The following KCNB2 variants were observed in gnomAD, a reference collection of about 807,000 sequenced individuals.
The protein encoded by KCNB2 is delayed rectifier potassium channel protein.
KCNB2 carries 15 observed loss-of-function variants against 61.5 expected under a neutral mutation model. That is an observed-to-expected ratio of 0.24 (90% CI 0.16 to 0.38). The LOEUF (loss-of-function observed/expected upper bound fraction) is 0.38, where lower values mean the gene tolerates loss of function less well. Ranked by LOEUF, KCNB2 falls within the 10% of genes least tolerant of loss-of-function variation. KCNB2 has a pLI of 1.00. For missense variants in KCNB2, 828 were observed against 1,125.2 expected (o/e 0.74, Z 3.78); for synonymous variants, 457 against 446.0 (o/e 1.02, Z -0.31).
At chr8:72,725,595 A>ATATATATATGTATGTG (rs1563572067) in intron 2 of KCNB2, among the ~76,000 whole-genome samples, 56 of 85,084 alleles carry the variant, frequency 6.6e-4, no homozygotes, top group African/African-American at 3.0e-3. Context: ...ATGTATGTAT[A>ATATATATATGTATGTG]TATATATATA....
In KCNB2 at chr8:72,937,951, G is replaced by A; in HGVS notation, c.2596G>A (p.Asp866Asn). The A allele has an allele frequency of 6.2e-7, 1 of 1,614,112 alleles. No homozygotes were observed. ...PQDTGHNCRQDIYHAVSEVKK... is the reference protein window; with the variant it reads ...PQDTGHNCRQNIYHAVSEVKK... ...GGACACAGGTCACAACTGTAGGCAA[G>A]ACATTTACCATGCTGTGAGTGAAGT... is the stretch of plus-strand genomic sequence containing the variant. Residue 866 changes from aspartate (D) to asparagine (N), a missense_variant, in exon 3 of 3, where the codon GAC (aspartate) becomes AAC (asparagine). Around this residue, in one of 4 missense-constraint regions of KCNB2, gnomAD observed 559 missense variants for 588.4 expected, o/e 0.95. Coordinates refer to ENST00000523207, the MANE Select transcript of KCNB2 (RefSeq NM_004770.3).
intron 2 of KCNB2, among the ~76,000 whole-genome samples, chr8:72,827,157 C>A (rs1457713133): frequency 6.6e-6 from 1 of 152,012 alleles, no homozygotes; most frequent in Non-Finnish European, 1.5e-5. Flanking sequence ...CATATGATGG[C>A]TGAGGGCTGG....
intron 2 of KCNB2, among the ~76,000 whole-genome samples, chr8:72,868,056 G>GT (rs67377649): frequency 0.22 from 31,900 of 143,594 alleles, 3,781 homozygotes; most frequent in Non-Finnish European, 0.28. Context: ...TTGATTTTGG[G>GT]TTTTTTTTTT....
intron 2 of KCNB2, among the ~76,000 whole-genome samples, chr8:72,839,802 A>G (rs1005388580): frequency 1.3e-5 from 2 of 151,482 alleles, no homozygotes; most frequent in African/African-American, 4.9e-5. Flanking sequence ...TTTAGTAGAG[A>G]CGGGGTTTCA....
At chr8:72,538,457 T>C (rs974269497) in intron 1 of KCNB2, among the ~76,000 whole-genome samples, 1 of 152,220 alleles carries the variant, frequency 6.6e-6, no homozygotes. Context: ...CATCATTTGC[T>C]CCCGATGCTT....
chr8:72,618,406 C>A (rs912626564), intron 2 of KCNB2, among the ~76,000 whole-genome samples: 6 of 152,072 alleles, frequency 3.9e-5, no homozygotes, highest in African/African-American at 9.7e-5. Flanking sequence ...ATGTATCCAA[C>A]TAGTTGATAA....
At chr8:72,555,470 A>T (rs1323426912) in intron 1 of KCNB2, among the ~76,000 whole-genome samples, 1 of 151,926 alleles carries the variant, frequency 6.6e-6, no homozygotes, top group Admixed American at 6.6e-5. Context: ...AACCGAATCC[A>T]TCACAATAGC....
chr8:72,605,022 C>A (rs1274450640), intron 2 of KCNB2, among the ~76,000 whole-genome samples: 1 of 152,160 alleles, frequency 6.6e-6, no homozygotes, highest in Non-Finnish European at 1.5e-5. Context: ...TATTTTGTTC[C>A]TGTTGTGCTG....
intron 2 of KCNB2, among the ~76,000 whole-genome samples, chr8:72,872,928 T>G (rs941683290): frequency 2.0e-5 from 3 of 152,172 alleles, no homozygotes; most frequent in African/African-American, 7.2e-5. Flanking sequence ...AAATAAAGAC[T>G]GTGTCGGAAT....
chr8:72,779,684 G>A (rs892738829), intron 2 of KCNB2, among the ~76,000 whole-genome samples: 3 of 152,182 alleles, frequency 2.0e-5, no homozygotes, highest in African/African-American at 7.2e-5. Flanking sequence ...CTTTTTTAAA[G>A]CAACTTGTCA....
chr8:72,592,589 G>A (rs902394681), intron 2 of KCNB2, among the ~76,000 whole-genome samples: 2 of 152,096 alleles, frequency 1.3e-5, no homozygotes, highest in Non-Finnish European at 2.9e-5. Context: ...ATTGGCTAGT[G>A]AAATATGAAT....
At chr8:72,805,385 C>G (rs901426836) in intron 2 of KCNB2, among the ~76,000 whole-genome samples, 1 of 152,102 alleles carries the variant, frequency 6.6e-6, no homozygotes, top group Non-Finnish European at 1.5e-5. Flanking sequence ...AAAAAAGATA[C>G]TGTTGCTCTC....
At chr8:72,667,869 T>G (rs957477043) in intron 2 of KCNB2, among the ~76,000 whole-genome samples, 2 of 152,230 alleles carry the variant, frequency 1.3e-5, no homozygotes, top group Non-Finnish European at 2.9e-5. Flanking sequence ...CCATAACCTT[T>G]AGAACCTTCA....
intron 1 of KCNB2, among the ~76,000 whole-genome samples, chr8:72,566,008 G>C (rs1406862274): frequency 1.3e-5 from 2 of 152,160 alleles, no homozygotes; most frequent in African/African-American, 2.4e-5. Flanking sequence ...ATTATGGAGA[G>C]CTTTCTCTAG....
At chr8:72,659,847 G>C (rs1806350840) in intron 2 of KCNB2, among the ~76,000 whole-genome samples, 1 of 152,122 alleles carries the variant, frequency 6.6e-6, no homozygotes, top group South Asian at 2.1e-4. Context: ...TAATGCTATT[G>C]CACACTTCAT....
At chr8:72,808,715 C>T (rs2129000302) in intron 2 of KCNB2, among the ~76,000 whole-genome samples, 1 of 152,278 alleles carries the variant, frequency 6.6e-6, no homozygotes, top group East Asian at 1.9e-4. Context: ...ATGTACTTGA[C>T]ATAGTGCCCC....
chr8:72,559,729 C>T (rs1421778909), intron 1 of KCNB2, among the ~76,000 whole-genome samples: 2 of 152,080 alleles, frequency 1.3e-5, no homozygotes, highest in Non-Finnish European at 2.9e-5. Flanking sequence ...ATCTCAACTT[C>T]GTGTAGTTTG....
At chr8:72,707,765 T>C (rs768451616) in intron 2 of KCNB2, among the ~76,000 whole-genome samples, 5 of 152,172 alleles carry the variant, frequency 3.3e-5, no homozygotes, top group Non-Finnish European at 7.4e-5. Context: ...TTCCTAATCA[T>C]CTAGATATGA....
chr8:72,608,555 A>G (rs1805490005), intron 2 of KCNB2, among the ~76,000 whole-genome samples: 2 of 152,078 alleles, frequency 1.3e-5, no homozygotes. Context: ...TAAAGGCTGT[A>G]AGTTAGAAAT....
Sources: gnomAD v4.1 joint callset for allele counts (sites outside exome capture counted in the v4.1 genomes callset) on GRCh38, gnomAD v4.1.1 for gene constraint, gnomAD v4.1.1 regional missense constraint, MANE v1.5 for transcripts, NCBI Gene and HGNC (gene_info 2026-07-23, HGNC 2026-07-21) for gene names.